MALRD1: variants seen among roughly 807,000 people sequenced by gnomAD.
MALRD1 encodes MAM and LDL-receptor class A domain-containing protein 1.
In MALRD1, 247 loss-of-function variants were observed where a neutral mutation model predicts 242.1. The ratio of observed to expected loss-of-function variants is 1.02; its 90% CI spans 0.92 to 1.13. MALRD1 has a LOEUF of 1.13. Ranked by LOEUF, MALRD1 falls within the 50% of genes most tolerant of loss-of-function variation. The pLI, the probability that MALRD1 is intolerant of heterozygous loss-of-function variation, is 0.00. For missense variants in MALRD1, 2,989 were observed against 2,533.1 expected, an observed-to-expected ratio of 1.18 and a Z score of -3.86; for synonymous variants, 995 against 866.6, an observed-to-expected ratio of 1.15 and a Z score of -2.60.
chr10:19,553,234 A>G (rs994044344), intron 32 of MALRD1, among the ~76,000 whole-genome samples: 2 of 152,156 alleles, frequency 1.3e-5, no homozygotes, highest in African/African-American at 4.8e-5. Context: ...ATGGTTGGAC[A>G]AGGAAAACAC....
chr10:19,639,537 A>G (rs541060725), intron 36 of MALRD1, among the ~76,000 whole-genome samples: 1 of 152,312 alleles, frequency 6.6e-6, no homozygotes, highest in South Asian at 2.1e-4. Flanking sequence ...AGTATCCCTG[A>G]AGGAGTCACT....
intron 30 of MALRD1, among the ~76,000 whole-genome samples, chr10:19,497,340 G>A (rs1157856454): frequency 8.4e-6 from 1 of 119,702 alleles, no homozygotes; most frequent in Non-Finnish European, 1.6e-5. Context: ...CACAAAAAAG[G>A]CACACAGAGC....
chr10:19,158,400 C>T (rs925044456), intron 12 of MALRD1, among the ~76,000 whole-genome samples: 2 of 152,044 alleles, frequency 1.3e-5, no homozygotes, highest in Non-Finnish European at 2.9e-5. Context: ...GATTGTTTTA[C>T]AAATATGAAT....
chr10:19,224,254 A>G (rs373569989), intron 18 of MALRD1, among the ~76,000 whole-genome samples: 1 of 148,832 alleles, frequency 6.7e-6, no homozygotes, highest in Non-Finnish European at 1.5e-5. Flanking sequence ...CTGGCGCGAG[A>G]TGGTATCTCA....
chr10:19,692,309 A>T lies in MALRD1; in HGVS notation c.6165A>T (p.Arg2055=). 1 of 1,535,226 alleles carries T rather than the reference A, an allele frequency of 6.5e-7. No homozygotes were observed. Residue 2055 remains arginine, a synonymous_variant, in exon 37 of 40, where the codon CGA becomes CGT. Transcript: ENST00000454679. ...GTAGACAAGGCTGGAAAGGAAATCG[A>T]TGCCATATCAAGTTTAATCCTCCTG... ...CRCRQGWKGN[R]CHIKFNPPAT... is the part of the protein sequence containing the mutation.
chr10:19,104,760 G>C (rs1283313903), intron 5 of MALRD1, among the ~76,000 whole-genome samples: 5 of 152,150 alleles, frequency 3.3e-5, no homozygotes, highest in South Asian at 4.1e-4. Context: ...TAAAGCTTCT[G>C]AGTTCAGTTT....
intron 15 of MALRD1, 140 bp downstream of exon 15, chr10:19,204,020 T>A (rs892424825): frequency 4.4e-6 from 5 of 1,129,072 alleles, no homozygotes; most frequent in Non-Finnish European, 6.4e-6. Flanking sequence ...ACAGTTATGC[T>A]GTCTGCATGG....
intron 38 of MALRD1, among the ~76,000 whole-genome samples, chr10:19,727,767 C>CG (rs1481073735): frequency 9.5e-6 from 1 of 105,070 alleles, no homozygotes; most frequent in Non-Finnish European, 2.2e-5. Context: ...TCAAACATTG[C>CG]ATTTTTTTTT....
intron 2 of MALRD1, 48 bp from the exon 3 acceptor site, chr10:19,087,792 T>C (rs1269005115): frequency 4.2e-6 from 4 of 963,770 alleles, no homozygotes; most frequent in Admixed American, 4.5e-5. Flanking sequence ...GTAGGTCTTA[T>C]TCATTCTTTC....
At chr10:19,707,392 C>T (rs1249309798) in intron 38 of MALRD1, among the ~76,000 whole-genome samples, 1 of 152,204 alleles carries the variant, frequency 6.6e-6, no homozygotes, top group Admixed American at 6.5e-5. Context: ...AGTATGTCAG[C>T]TGGTTCCTGC....
At chr10:19,147,930 A>C (rs935596849) in intron 11 of MALRD1, among the ~76,000 whole-genome samples, 7 of 152,158 alleles carry the variant, frequency 4.6e-5, no homozygotes, top group African/African-American at 1.7e-4. Flanking sequence ...GGGAGTAGTT[A>C]GGGATGAAAG....
chr10:19,126,079 G>C (rs1837274483), intron 7 of MALRD1, among the ~76,000 whole-genome samples: 1 of 151,812 alleles, frequency 6.6e-6, no homozygotes, highest in Non-Finnish European at 1.5e-5. Context: ...TCTAAGTACA[G>C]GGTGATTTTC....
chr10:19,555,048 G>C (rs1193789242), intron 32 of MALRD1, among the ~76,000 whole-genome samples: 2 of 152,162 alleles, frequency 1.3e-5, no homozygotes, highest in Admixed American at 1.3e-4. Flanking sequence ...AGCCTCTCCA[G>C]CATCTGTTGT....
intron 13 of MALRD1, among the ~76,000 whole-genome samples, chr10:19,172,357 T>C (rs952778540): frequency 1.3e-5 from 2 of 151,706 alleles, no homozygotes; most frequent in African/African-American, 4.8e-5. Context: ...AAAATTCGTA[T>C]GATTTTAATT....
At chr10:19,246,666 T>C (rs1228227526) in intron 18 of MALRD1, among the ~76,000 whole-genome samples, 3 of 152,124 alleles carry the variant, frequency 2.0e-5, no homozygotes, top group African/African-American at 7.2e-5. Context: ...AGGTGATTGC[T>C]TGAATATTTA....
chr10:19,279,689 A>G (rs2496044), intron 19 of MALRD1, among the ~76,000 whole-genome samples: 12,315 of 152,252 alleles, frequency 0.081, 641 homozygotes, highest in East Asian at 0.18. Flanking sequence ...TACCTAGTAA[A>G]TTAGAAAGTT....
intron 19 of MALRD1, among the ~76,000 whole-genome samples, chr10:19,277,340 C>T (rs1200574754): frequency 1.3e-5 from 2 of 152,182 alleles, no homozygotes; most frequent in Non-Finnish European, 2.9e-5. Context: ...AAACTCACCC[C>T]TAAGGGATCA....
intron 32 of MALRD1, among the ~76,000 whole-genome samples, chr10:19,544,227 T>A (rs1240291717): frequency 6.6e-6 from 1 of 152,086 alleles, no homozygotes; most frequent in African/African-American, 2.4e-5. Flanking sequence ...CTCGCTCTTG[T>A]CACCCAGGCC....
chr10:19,674,637 TAAG>T (rs1310499984), intron 36 of MALRD1, among the ~76,000 whole-genome samples: 1 of 152,144 alleles, frequency 6.6e-6, no homozygotes, highest in Non-Finnish European at 1.5e-5. Context: ...TTACTGGAAA[TAAG>T]AGGCCAGAAT....
Sources: gnomAD v4.1 joint callset for allele counts (sites outside exome capture counted in the v4.1 genomes callset) on GRCh38, gnomAD v4.1.1 for gene constraint, MANE v1.5 for transcripts, NCBI Gene and HGNC (gene_info 2026-07-23, HGNC 2026-07-21) for gene names.